The following CAST variants were observed in gnomAD, a reference collection of about 807,000 sequenced individuals.
The protein encoded by CAST is MIR583 host.
CAST carries 76 observed loss-of-function variants against 119.6 expected under a neutral mutation model. The ratio of observed to expected loss-of-function variants is 0.64; its 90% CI spans 0.53 to 0.77. The LOEUF (loss-of-function observed/expected upper bound fraction) is 0.77. Among genes scored for constraint, CAST ranks in the 30% least tolerant of loss-of-function variants. The pLI is 0.00. For synonymous variants in CAST, 319 were observed against 331.6 expected, an observed-to-expected ratio of 0.96 and a Z score of 0.41; for missense variants, 953 against 946.5, an observed-to-expected ratio of 1.01 and a Z score of -0.09.
At chr5:96,446,632 T>A in the CAST span, among the ~76,000 whole-genome samples, 5 of 152,196 alleles carry the variant, frequency 3.3e-5, no homozygotes, top group Non-Finnish European at 7.4e-5. Context: ...AATCTCACTG[T>A]GGAGATGGAA....
chr5:96,525,951 TGTAA>T (rs1278294518), upstream of CAST, among the ~76,000 whole-genome samples: 11 of 152,014 alleles, frequency 7.2e-5, no homozygotes, highest in African/African-American at 2.2e-4. Context: ...AGAGTGTGGG[TGTAA>T]GTGAGAGTGG....
the CAST span, among the ~76,000 whole-genome samples, chr5:96,316,019 C>A: frequency 6.6e-6 from 1 of 152,152 alleles, no homozygotes; most frequent in East Asian, 1.9e-4. Flanking sequence ...CAGAGAAAAA[C>A]AAAACCCACC....
At chr5:96,460,073 A>T in the CAST span, among the ~76,000 whole-genome samples, 2 of 152,166 alleles carry the variant, frequency 1.3e-5, no homozygotes, top group African/African-American at 4.8e-5. Flanking sequence ...ACAGGTCAAC[A>T]GCTAGACAAA....
the CAST span, among the ~76,000 whole-genome samples, chr5:96,089,789 T>A: frequency 6.6e-6 from 1 of 152,252 alleles, no homozygotes; most frequent in East Asian, 1.9e-4. Flanking sequence ...TTATAAAGCT[T>A]AAAATGTTTC....
chr5:96,371,465 C>T, the CAST span, among the ~76,000 whole-genome samples: 1 of 152,170 alleles, frequency 6.6e-6, no homozygotes, highest in Non-Finnish European at 1.5e-5. Context: ...CACTTCCTGC[C>T]CTCTCTACCT....
chr5:96,392,146 CTA>C, the CAST span: 1 of 151,168 alleles, frequency 6.6e-6, no homozygotes, highest in African/African-American at 2.4e-5. Flanking sequence ...AAAATTGTGA[CTA>C]GGAATTTGCC....
the CAST span, among the ~76,000 whole-genome samples, chr5:96,096,417 C>T: frequency 1.3e-5 from 2 of 152,080 alleles, no homozygotes; most frequent in Non-Finnish European, 2.9e-5. Context: ...AACATCAGCC[C>T]TCCACTGTCT....
chr5:96,644,988 C>A (rs1409642312), intron 1 of CAST, among the ~76,000 whole-genome samples: 2 of 152,144 alleles, frequency 1.3e-5, no homozygotes, highest in African/African-American at 4.8e-5. Flanking sequence ...AACAAACAAA[C>A]AAATAAAACC....
At chr5:96,601,104 C>A (rs1384261769) in intron 1 of CAST, among the ~76,000 whole-genome samples, 1 of 152,168 alleles carries the variant, frequency 6.6e-6, no homozygotes, top group African/African-American at 2.4e-5. Flanking sequence ...CTCCCTCTCT[C>A]CTTCAACATC....
chr5:96,004,541 A>G, the CAST span, among the ~76,000 whole-genome samples: 2 of 152,354 alleles, frequency 1.3e-5, no homozygotes, highest in East Asian at 1.9e-4. Context: ...GGGGAGACAG[A>G]TGGATAAACT....
At chr5:96,428,670 C>T in the CAST span, among the ~76,000 whole-genome samples, 1 of 152,236 alleles carries the variant, frequency 6.6e-6, no homozygotes, top group African/African-American at 2.4e-5. Flanking sequence ...CTCATGAAGA[C>T]ATGGATTTAC....
At chr5:96,389,086 A>G in the CAST span, among the ~76,000 whole-genome samples, 37 of 145,066 alleles carry the variant, frequency 2.6e-4, no homozygotes, top group Non-Finnish European at 4.9e-4. Flanking sequence ...TGGTTTTTGC[A>G]GTGGGGTGGG....
At chr5:96,355,497 ATG>A in the CAST span, among the ~76,000 whole-genome samples, 8 of 152,138 alleles carry the variant, frequency 5.3e-5, no homozygotes, top group Non-Finnish European at 8.8e-5. Flanking sequence ...ATACGTGTGC[ATG>A]TGTCTTTATA....
intron 25 of CAST, among the ~76,000 whole-genome samples, chr5:96,763,658 A>C (rs1768789989): frequency 6.6e-6 from 1 of 152,214 alleles, no homozygotes; most frequent in African/African-American, 2.4e-5. Flanking sequence ...AGCTTTATTT[A>C]GATAAAAATA....
chr5:96,468,828 G>A, the CAST span, among the ~76,000 whole-genome samples: 3 of 152,064 alleles, frequency 2.0e-5, no homozygotes, highest in East Asian at 3.9e-4. Context: ...ACAACATGGA[G>A]AGAAAAGGTA....
the CAST span, among the ~76,000 whole-genome samples, chr5:96,497,369 T>C: frequency 2.6e-3 from 389 of 152,316 alleles, 6 homozygotes; most frequent in Admixed American, 0.019. Flanking sequence ...CCTTTGGGTA[T>C]ATACCCAGTA....
chr5:96,009,205 T>A, the CAST span, among the ~76,000 whole-genome samples: 1 of 152,240 alleles, frequency 6.6e-6, no homozygotes, highest in Non-Finnish European at 1.5e-5. Context: ...CTCTATCCAA[T>A]CCACCACTGA....
chr5:96,393,407 G>A, the CAST span: 5 of 1,612,642 alleles, frequency 3.1e-6, no homozygotes, highest in South Asian at 4.4e-5. Context: ...TCCACAAAGG[G>A]AAGAAGGTTC....
chr5:96,164,864 G>A, the CAST span, among the ~76,000 whole-genome samples: 1 of 152,162 alleles, frequency 6.6e-6, no homozygotes. Context: ...TTAGGTGGAA[G>A]TACTGGGAAT....
Sources: gnomAD v4.1 joint callset for allele counts (sites outside exome capture counted in the v4.1 genomes callset) on GRCh38, gnomAD v4.1.1 for gene constraint, MANE v1.5 for transcripts, NCBI Gene and HGNC (gene_info 2026-07-23, HGNC 2026-07-21) for gene names.